TANC2: variants seen among roughly 807,000 people sequenced by gnomAD.
TANC2 encodes the protein tetratricopeptide repeat, ankyrin repeat and coiled-coil containing 2.
A neutral mutation model predicts 210.5 loss-of-function variants in TANC2; 26 were observed. The ratio of observed to expected loss-of-function variants is 0.12; its 90% CI spans 0.09 to 0.17. The LOEUF (loss-of-function observed/expected upper bound fraction) is 0.17. TANC2 is among the 10% of genes least tolerant of loss of function. The pLI is 1.00. For missense variants in TANC2, 2,129 were observed against 2,608.9 expected, an observed-to-expected ratio of 0.82 and a Z score of 4.01; for synonymous variants, 931 against 967.1, an observed-to-expected ratio of 0.96 and a Z score of 0.69.
At chr17:63,371,783 G>A (rs1223145685) in intron 14 of TANC2, among the ~76,000 whole-genome samples, 1 of 152,194 alleles carries the variant, frequency 6.6e-6, no homozygotes, top group Non-Finnish European at 1.5e-5. Context: ...TGAGGATAGA[G>A]GGGAGTGATT....
At chr17:63,193,556 G>A (rs2145745519) in intron 5 of TANC2, among the ~76,000 whole-genome samples, 1 of 152,270 alleles carries the variant, frequency 6.6e-6, no homozygotes, top group South Asian at 2.1e-4. Context: ...TGACACTTCA[G>A]TTAATGCTTG....
At chr17:63,004,563 AAG>A (rs1305202316) in intron 1 of TANC2, 4 of 166,128 alleles carry the variant, frequency 2.4e-5, no homozygotes, top group African/African-American at 9.8e-5. Context: ...AGCAACAATG[AAG>A]TGTTCTGTGT....
At chr17:63,115,739 A>G (rs2038224949) in intron 4 of TANC2, among the ~76,000 whole-genome samples, 1 of 152,194 alleles carries the variant, frequency 6.6e-6, no homozygotes, top group African/African-American at 2.4e-5. Context: ...GATGTTTAGA[A>G]TTTTAAGCCT....
intron 16 of TANC2, among the ~76,000 whole-genome samples, chr17:63,389,036 A>G (rs1195391070): frequency 6.6e-6 from 1 of 152,142 alleles, no homozygotes. Flanking sequence ...TCTTGGTAGG[A>G]GCTTTTCTGA....
intron 14 of TANC2, among the ~76,000 whole-genome samples, chr17:63,356,713 G>C (rs2046791345): frequency 6.6e-6 from 1 of 152,140 alleles, no homozygotes; most frequent in Non-Finnish European, 1.5e-5. Flanking sequence ...TATAAATCCT[G>C]CCTCTTCTAG....
At chr17:63,135,313 GTAAATATGTAAGT>G (rs1567753108) in intron 4 of TANC2, among the ~76,000 whole-genome samples, 1 of 152,194 alleles carries the variant, frequency 6.6e-6, no homozygotes. Flanking sequence ...GATTGAATTT[GTAAATATGTAAGT>G]TAAATATGTA....
intron 5 of TANC2, among the ~76,000 whole-genome samples, chr17:63,179,946 G>C (rs1027287275): frequency 8.1e-5 from 12 of 149,034 alleles, no homozygotes; most frequent in Non-Finnish European, 1.6e-4. Context: ...AGACCAGCCT[G>C]GGCAACATAG....
chr17:63,267,594 G>A (rs1332432307), intron 8 of TANC2, among the ~76,000 whole-genome samples, 154 bp from the exon 9 acceptor site: 2 of 152,022 alleles, frequency 1.3e-5, no homozygotes, highest in African/African-American at 4.8e-5. Context: ...GATTTTTAAA[G>A]GCATAAAATA....
intron 11 of TANC2, among the ~76,000 whole-genome samples, chr17:63,335,830 G>T (rs2046008127): frequency 6.6e-6 from 1 of 152,062 alleles, no homozygotes; most frequent in African/African-American, 2.4e-5. Flanking sequence ...TTTTGCTATG[G>T]TTATGTAAGA....
intron 11 of TANC2, among the ~76,000 whole-genome samples, chr17:63,331,532 G>A (rs1359194151): frequency 6.6e-6 from 1 of 152,076 alleles, no homozygotes; most frequent in Non-Finnish European, 1.5e-5. Context: ...AAAGAAGCAA[G>A]GTATTCTTCT....
At chr17:62,999,625 C>CTT (rs565569876) in intron 1 of TANC2, among the ~76,000 whole-genome samples, 66 of 146,660 alleles carry the variant, frequency 4.5e-4, no homozygotes, top group African/African-American at 8.9e-4. Flanking sequence ...TTTTTTGTAA[C>CTT]TTTTTTTTTT....
chr17:63,426,219 C>CT (rs1335062971), exon 28 of TANC2: 2 of 152,290 alleles, frequency 1.3e-5, no homozygotes, highest in African/African-American at 4.8e-5. Flanking sequence ...AGGTGCAGCT[C>CT]TTTCTCCTCT....
chr17:63,398,269 A>AC (rs1025914727), intron 18 of TANC2, among the ~76,000 whole-genome samples: 9 of 152,040 alleles, frequency 5.9e-5, no homozygotes, highest in African/African-American at 2.2e-4. Flanking sequence ...ACATGGCAAG[A>AC]CCCACATCTC....
chr17:63,251,210 A>G (rs1051542707), intron 8 of TANC2, among the ~76,000 whole-genome samples: 3 of 152,228 alleles, frequency 2.0e-5, no homozygotes, highest in Non-Finnish European at 4.4e-5. Flanking sequence ...AAACAGCAGT[A>G]TATATTTATG....
At chr17:63,016,695 A>G (rs192667600) in intron 2 of TANC2, among the ~76,000 whole-genome samples, 38 of 152,202 alleles carry the variant, frequency 2.5e-4, no homozygotes, top group South Asian at 1.5e-3. Context: ...AAGGGTTCCA[A>G]TTTCTCCACA....
intron 4 of TANC2, among the ~76,000 whole-genome samples, chr17:63,110,810 G>T (rs1032160227): frequency 2.0e-5 from 3 of 152,158 alleles, no homozygotes; most frequent in Non-Finnish European, 2.9e-5. Context: ...AGCACCAAGG[G>T]TTGAGTAATG....
intron 15 of TANC2, among the ~76,000 whole-genome samples, chr17:63,386,749 A>G (rs2047791554): frequency 6.6e-6 from 1 of 152,228 alleles, no homozygotes; most frequent in Non-Finnish European, 1.5e-5. Flanking sequence ...TTTATTTTTA[A>G]TACCATATTA....
At chr17:63,013,184 T>A (rs1195449004) in intron 2 of TANC2, among the ~76,000 whole-genome samples, 2 of 152,128 alleles carry the variant, frequency 1.3e-5, no homozygotes, top group Non-Finnish European at 2.9e-5. Flanking sequence ...GTGATCCTCC[T>A]GCCTTAGCCA....
intron 14 of TANC2, among the ~76,000 whole-genome samples, chr17:63,372,134 A>G (rs1191576091): frequency 1.3e-5 from 2 of 152,236 alleles, no homozygotes; most frequent in Non-Finnish European, 2.9e-5. Flanking sequence ...TACCTTGAAT[A>G]TAAGATTTAC....
Sources: gnomAD v4.1 joint callset for allele counts (sites outside exome capture counted in the v4.1 genomes callset) on GRCh38, gnomAD v4.1.1 for gene constraint, MANE v1.5 for transcripts, NCBI Gene and HGNC (gene_info 2026-07-23, HGNC 2026-07-21) for gene names.